Variants in RAB19 observed in about 807,000 individuals in gnomAD.
RAB19 encodes RAB19, member RAS oncogene family, also known as ras-related protein Rab-19.
Under a neutral mutation model 17.3 loss-of-function variants are expected in RAB19, and 21 were observed. The ratio of observed to expected loss-of-function variants is 1.21; its 90% CI spans 0.86 to 1.74. The LOEUF (loss-of-function observed/expected upper bound fraction) is 1.74, where lower values mean the gene tolerates loss of function less well. RAB19 is among the 40% of genes most tolerant of loss of function. The pLI, the probability that RAB19 is intolerant of heterozygous loss-of-function variation, is 0.00. For synonymous variants in RAB19, 126 were observed against 110.4 expected (o/e 1.14, Z -0.88); for missense variants, 277 against 286.8 (o/e 0.97, Z 0.25).
chr7:140,407,617 T>C lies in RAB19; in HGVS notation c.-23-7T>C, dbSNP rs1241807603. On this transcript the variant is annotated splice_polypyrimidine_tract_variant and splice_region_variant and intron_variant, in intron 1 of 3. Coordinates refer to ENST00000537763, the MANE Select transcript of RAB19 (RefSeq NM_001008749.3). The stretch of plus-strand genomic sequence containing the variant: ...TCCTGGTGCTGAATTCCATCCTTTC[T>C]TCCTAGTTCTGTTCTAGGTGGCAAG... 1 of 1,609,102 alleles carries C rather than the reference T, an allele frequency of 6.2e-7. No homozygotes were observed. Among genetic ancestry groups the C allele is most frequent in the African/African-American group, 1.3e-5 (1 of 74,934 alleles).
intron 2 of RAB19, among the ~76,000 whole-genome samples, chr7:140,410,428 G>A (rs1424294373): frequency 7.2e-6 from 1 of 138,892 alleles, no homozygotes; most frequent in Non-Finnish European, 1.5e-5. Flanking sequence ...CCGGGTTCAC[G>A]CCATTCTCCT....
chr7:140,408,076 A>T (rs1187564124), intron 2 of RAB19, among the ~76,000 whole-genome samples: 1 of 148,474 alleles, frequency 6.7e-6, no homozygotes, highest in Non-Finnish European at 1.5e-5. Context: ...TTTAGTAGAG[A>T]TGGGGTTTCA....
intron 2 of RAB19, among the ~76,000 whole-genome samples, chr7:140,410,587 A>G (rs983705278): frequency 7.2e-5 from 11 of 151,790 alleles, no homozygotes; most frequent in Admixed American, 5.3e-4. Flanking sequence ...CGGCCTCCCA[A>G]AGTGCTGGGA....
intron 2 of RAB19, among the ~76,000 whole-genome samples, chr7:140,410,313 CTTTTTTTTT>C (rs762151021): frequency 1.2e-5 from 1 of 81,038 alleles, no homozygotes; most frequent in African/African-American, 5.1e-5. Flanking sequence ...TTGTATTTTT[CTTTTTTTTT>C]TTTTTTTTTT....
intron 3 of RAB19, among the ~76,000 whole-genome samples, chr7:140,425,461 C>T (rs962536622): frequency 6.6e-6 from 1 of 152,070 alleles, no homozygotes; most frequent in Non-Finnish European, 1.5e-5. Flanking sequence ...TGCAGTGGCT[C>T]ATGCCTATAA....
intron 3 of RAB19, among the ~76,000 whole-genome samples, chr7:140,415,979 G>C (rs1287199630): frequency 6.6e-6 from 1 of 152,042 alleles, no homozygotes; most frequent in African/African-American, 2.4e-5. Flanking sequence ...GCTGAGGTGG[G>C]GGGTTGCTTA....
intron 3 of RAB19, among the ~76,000 whole-genome samples, chr7:140,424,148 C>G (rs993680551): frequency 6.8e-6 from 1 of 148,112 alleles, no homozygotes. Context: ...AGCCACTGTG[C>G]CTGGCTGATA....
chr7:140,411,668 A>G, intron 2 of RAB19: 4 of 1,236,038 alleles, frequency 3.2e-6, no homozygotes, highest in Non-Finnish European at 4.4e-6. Context: ...CTTGTCTTAG[A>G]TGGTCGTTCC....
intron 3 of RAB19, among the ~76,000 whole-genome samples, chr7:140,418,729 T>C (rs566103104): frequency 6.6e-6 from 1 of 151,756 alleles, no homozygotes; most frequent in Non-Finnish European, 1.5e-5. Flanking sequence ...TATGATGGCA[T>C]GCGCCTGTAG....
At chr7:140,420,284 G>A (rs543407066) in intron 3 of RAB19, among the ~76,000 whole-genome samples, 2 of 152,184 alleles carry the variant, frequency 1.3e-5, no homozygotes, top group Admixed American at 1.3e-4. Flanking sequence ...AGCTGGGCGT[G>A]GTGGTGGGCG....
chr7:140,425,735 A>AAG, intron 3 of RAB19, 147 bp from the exon 4 acceptor site: 1 of 877,864 alleles, frequency 1.1e-6, no homozygotes, highest in Non-Finnish European at 1.8e-6. Flanking sequence ...AAAAAAAAAA[A>AAG]GAAACAAAAA....
chr7:140,408,094 A>G (rs1406438618), intron 2 of RAB19, among the ~76,000 whole-genome samples: 3 of 148,720 alleles, frequency 2.0e-5, no homozygotes, highest in African/African-American at 7.5e-5. Flanking sequence ...TCATGGTGTT[A>G]CCAGGATGGT....
At chr7:140,424,586 CCTCT>C (rs376517516) in intron 3 of RAB19, among the ~76,000 whole-genome samples, 15,315 of 127,138 alleles carry the variant, frequency 0.12, 1,133 homozygotes, top group East Asian at 0.23. Flanking sequence ...TGGACCTCTC[CCTCT>C]CTCTCTCTCT....
At chr7:140,419,433 T>C (rs1269575613) in intron 3 of RAB19, among the ~76,000 whole-genome samples, 1 of 152,216 alleles carries the variant, frequency 6.6e-6, no homozygotes, top group Non-Finnish European at 1.5e-5. Context: ...TAAGTTTCTT[T>C]CCCTCAATAT....
At chr7:140,424,312 C>A (rs1308554327) in intron 3 of RAB19, among the ~76,000 whole-genome samples, 1 of 151,638 alleles carries the variant, frequency 6.6e-6, no homozygotes, top group Non-Finnish European at 1.5e-5. Flanking sequence ...CATGCACCAC[C>A]ACACCCAGCT....
intron 2 of RAB19, among the ~76,000 whole-genome samples, chr7:140,408,204 A>G (rs1294484500): frequency 1.3e-5 from 2 of 151,906 alleles, no homozygotes; most frequent in East Asian, 3.9e-4. Context: ...TTTTTTAGCC[A>G]GAATTCCCAA....
chr7:140,419,396 A>G lies in RAB19; in HGVS notation c.386-6486A>G, dbSNP rs191382413. 5.1e-4 allele frequency among the ~76,000 whole-genome samples: 78 copies of G among 152,234 alleles called. No individual in the cohort carries two copies. In the East Asian group the frequency reaches 0.013, roughly 25 times the overall value. On this transcript the variant is annotated intron_variant, in intron 3 of 3. Transcript: ENST00000537763. ...GTTTTGCTATTGTTTTGTACGTTATATATAAACAAAATCATACCTTTTTGC... is the reference window on the plus strand; with the variant it reads ...GTTTTGCTATTGTTTTGTACGTTATGTATAAACAAAATCATACCTTTTTGC...
At chr7:140,413,037 G>A (rs1799395725) in intron 3 of RAB19, among the ~76,000 whole-genome samples, 1 of 151,984 alleles carries the variant, frequency 6.6e-6, no homozygotes, top group African/African-American at 2.4e-5. Flanking sequence ...GAGGTGGGAG[G>A]ATTGCTTGAG....
intron 3 of RAB19, among the ~76,000 whole-genome samples, chr7:140,412,324 C>T (rs1029503632): frequency 5.3e-5 from 8 of 151,878 alleles, no homozygotes; most frequent in Admixed American, 2.0e-4. Context: ...TAGTGGTGGG[C>T]GCCTGTAGTC....
Sources: gnomAD v4.1 joint callset for allele counts (sites outside exome capture counted in the v4.1 genomes callset) on GRCh38, gnomAD v4.1.1 for gene constraint, MANE v1.5 for transcripts, NCBI Gene and HGNC (gene_info 2026-07-23, HGNC 2026-07-21) for gene names.